AFF4: variants seen among roughly 807,000 people sequenced by gnomAD.
The protein encoded by AFF4 is AF4/FMR2 family member 4.
In AFF4, 13 loss-of-function variants were observed where a neutral mutation model predicts 124.8. That is an observed-to-expected ratio of 0.10 (90% CI 0.07 to 0.17). The LOEUF (loss-of-function observed/expected upper bound fraction) is 0.17. Ranked by LOEUF, AFF4 falls within the 10% of genes least tolerant of loss-of-function variation. The pLI is 1.00. For missense variants in AFF4, 1,092 were observed against 1,403.8 expected, an observed-to-expected ratio of 0.78 and a Z score of 3.55; for synonymous variants, 477 against 496.1, an observed-to-expected ratio of 0.96 and a Z score of 0.51.
chr5:132,959,012 T>A (rs989298090), intron 1 of AFF4, among the ~76,000 whole-genome samples: 1 of 152,130 alleles, frequency 6.6e-6, no homozygotes, highest in Non-Finnish European at 1.5e-5. Context: ...TAAAACAGTA[T>A]CCACTAATAA....
chr5:132,952,065 G>A (rs2150111139), intron 1 of AFF4, among the ~76,000 whole-genome samples: 1 of 152,160 alleles, frequency 6.6e-6, no homozygotes, highest in Non-Finnish European at 1.5e-5. Flanking sequence ...CCCTTTCTCT[G>A]CCATTACAAA....
chr5:132,899,409 A>T (rs1259493007), intron 8 of AFF4, among the ~76,000 whole-genome samples, 178 bp downstream of exon 8: 5 of 152,178 alleles, frequency 3.3e-5, no homozygotes, highest in African/African-American at 4.8e-5. Flanking sequence ...CCAATTTTTT[A>T]AAAAAATAAG....
intron 1 of AFF4, among the ~76,000 whole-genome samples, chr5:132,947,036 G>C (rs1164869953): frequency 6.6e-6 from 1 of 151,648 alleles, no homozygotes; most frequent in Non-Finnish European, 1.5e-5. Context: ...TGTGGCAACT[G>C]AGTGAGACTC....
intron 5 of AFF4, among the ~76,000 whole-genome samples, chr5:132,909,735 TC>T (rs1462201959): frequency 1.3e-5 from 2 of 152,224 alleles, no homozygotes; most frequent in African/African-American, 4.8e-5. Flanking sequence ...TATTCACAGT[TC>T]CAGACATTTC....
Position 132,876,919 on chromosome 5 carries a change from A to G in AFF4, c.*4140T>C. The G allele has an allele frequency of 5.0e-6, 1 of 198,908 alleles. No homozygotes were observed. The highest frequency in any genetic ancestry group is 1.0e-5 in the Non-Finnish European group (1 of 96,188). The allele number at this position is 198,908 out of a possible 1,614,324, so 12.3% of individuals were successfully genotyped here. On this transcript the variant is annotated 3_prime_UTR_variant, in exon 21 of 21. Transcript: ENST00000265343. The stretch of plus-strand genomic sequence containing the variant: ...ATGAAAAATTTGGCCTCTTCTCACT[A>G]CATATTCCAAGGTATTCAATAATTA...
intron 11 of AFF4, among the ~76,000 whole-genome samples, chr5:132,894,488 CA>C (rs1285617612): frequency 6.6e-6 from 1 of 152,174 alleles, no homozygotes; most frequent in Non-Finnish European, 1.5e-5. Flanking sequence ...CACGAGAATG[CA>C]AATATTCTAC....
At chr5:132,925,238 A>C (rs893536075) in intron 5 of AFF4, among the ~76,000 whole-genome samples, 1 of 152,062 alleles carries the variant, frequency 6.6e-6, no homozygotes, top group Non-Finnish European at 1.5e-5. Context: ...ATGTAAACAA[A>C]GATATAAAAG....
chr5:132,913,584 C>T (rs545372780), intron 5 of AFF4, among the ~76,000 whole-genome samples: 1 of 152,248 alleles, frequency 6.6e-6, no homozygotes, highest in Admixed American at 6.5e-5. Flanking sequence ...GTTGCAACTG[C>T]AGGTGCCCAC....
chr5:132,957,019 C>CAAAAAAAAAAAAAAAAA (rs1180577709), intron 1 of AFF4, among the ~76,000 whole-genome samples: 1 of 40,790 alleles, frequency 2.5e-5, no homozygotes, highest in African/African-American at 8.0e-5. Context: ...GACTTCGTCT[C>CAAAAAAAAAAAAAAAAA]AAAAAAAAAA....
At chr5:132,914,430 G>A (rs532187486) in intron 5 of AFF4, among the ~76,000 whole-genome samples, 49 of 151,652 alleles carry the variant, frequency 3.2e-4, no homozygotes, top group Admixed American at 1.2e-3. Context: ...GTGAAACCCC[G>A]TCTCTAATAA....
chr5:132,905,049 A>AG (rs1760640567), intron 5 of AFF4, among the ~76,000 whole-genome samples: 1 of 22,116 alleles, frequency 4.5e-5, no homozygotes, highest in Admixed American at 6.7e-4. Context: ...ACTCCATCTC[A>AG]AAAAAAAAAA....
rs769972283 is a variant in AFF4, at chr5:132,885,170, TAAG to T, written c.3100-54_3100-52del. ...ACAACAACAAAAACCACCACTACTTTAAGAAGTTCTAAATATATTTAAAAGCTT... is the reference window on the plus strand; with the variant it reads ...ACAACAACAAAAACCACCACTACTTTAAGTTCTAAATATATTTAAAAGCTT... On this transcript the variant is annotated intron_variant, in intron 18 of 20. Coordinates refer to ENST00000265343, the MANE Select transcript of AFF4 (RefSeq NM_014423.4). The T allele has an allele frequency of 2.0e-5, 28 of 1,369,494 alleles. No individual in the cohort carries two copies. The South Asian group carries it at 3.3e-4, about 16-fold the overall frequency. 84.8% of individuals were successfully genotyped at this position (1,369,494 alleles called of 1,614,324 possible).
intron 5 of AFF4, among the ~76,000 whole-genome samples, chr5:132,909,767 C>T (rs1760752046): frequency 6.6e-6 from 1 of 152,148 alleles, no homozygotes; most frequent in South Asian, 2.1e-4. Flanking sequence ...ATCATTGTTC[C>T]AACACTGCAA....
intron 5 of AFF4, among the ~76,000 whole-genome samples, chr5:132,914,186 C>T (rs1760857079): frequency 6.6e-6 from 1 of 151,952 alleles, no homozygotes; most frequent in Admixed American, 6.6e-5. Context: ...CGAGATCTCA[C>T]CACTGCACTC....
chr5:132,883,306 C>T, intron 20 of AFF4, 34 bp downstream of exon 20: 1 of 1,587,694 alleles, frequency 6.3e-7, no homozygotes, highest in Non-Finnish European at 8.6e-7. Flanking sequence ...TCTAACAATT[C>T]CATCCCTTGA....
At chr5:132,922,872 C>A (rs952780467) in intron 5 of AFF4, among the ~76,000 whole-genome samples, 8 of 149,896 alleles carry the variant, frequency 5.3e-5, no homozygotes, top group Non-Finnish European at 1.2e-4. Context: ...CTGAATATTA[C>A]CTTAGTAATT....
intron 5 of AFF4, among the ~76,000 whole-genome samples, chr5:132,916,097 GT>G (rs1401042616): frequency 2.0e-5 from 3 of 151,824 alleles, no homozygotes; most frequent in Non-Finnish European, 4.4e-5. Flanking sequence ...AATTATCTGG[GT>G]GTGGTGGCGG....
At chr5:132,938,338 G>C (rs971926031) in intron 1 of AFF4, among the ~76,000 whole-genome samples, 2 of 151,004 alleles carry the variant, frequency 1.3e-5, no homozygotes, top group African/African-American at 4.9e-5. Flanking sequence ...CGATCTCCCA[G>C]CTCACCACAA....
intron 19 of AFF4, among the ~76,000 whole-genome samples, 157 bp downstream of exon 19, chr5:132,884,919 A>C (rs1760075950): frequency 6.6e-6 from 1 of 152,210 alleles, no homozygotes; most frequent in Admixed American, 6.5e-5. Flanking sequence ...TCAATTCCTA[A>C]AAAATACAGA....
Sources: gnomAD v4.1 joint callset for allele counts (sites outside exome capture counted in the v4.1 genomes callset) on GRCh38, gnomAD v4.1.1 for gene constraint, MANE v1.5 for transcripts, NCBI Gene and HGNC (gene_info 2026-07-23, HGNC 2026-07-21) for gene names.